The following PCDHA7 variants were observed in gnomAD, a reference collection of about 807,000 sequenced individuals.
PCDHA7 encodes protocadherin alpha 7.
PCDHA7 carries 37 observed loss-of-function variants against 57.2 expected under a neutral mutation model. The ratio of observed to expected loss-of-function variants is 0.65; its 90% confidence interval spans 0.50 to 0.85. PCDHA7 has a LOEUF of 0.85. Among genes scored for constraint, PCDHA7 ranks in the 40% least tolerant of loss-of-function variants. The pLI, the probability that PCDHA7 is intolerant of heterozygous loss-of-function variation, is 0.00. For synonymous variants in PCDHA7, 553 were observed against 558.8 expected, an observed-to-expected ratio of 0.99 and a Z score of 0.15; for missense variants, 1,188 against 1,241.8, an observed-to-expected ratio of 0.96 and a Z score of 0.65.
chr5:140,922,595 A>G (rs1554200883), intron 1 of PCDHA7, among the ~76,000 whole-genome samples: 1 of 152,216 alleles, frequency 6.6e-6, no homozygotes, highest in Non-Finnish European at 1.5e-5. Context: ...AGTTCTCATC[A>G]GTTGAAGATA....
intron 1 of PCDHA7, among the ~76,000 whole-genome samples, chr5:140,912,283 A>G (rs1442282452): frequency 6.6e-6 from 1 of 152,104 alleles, no homozygotes; most frequent in Non-Finnish European, 1.5e-5. Flanking sequence ...ACCCAGGAAC[A>G]ATACTTTGCC....
rs932495728 is a variant in PCDHA7, at chr5:140,945,802, C to T, written c.2356-33147C>T. ...AGATGCAGAAAAATGAAACTAGACC[C>T]TTATCTCACACTGTATACAAAAGTC... On this transcript the variant is annotated intron_variant, in intron 1 of 3. Coordinates refer to ENST00000525929, the MANE Select transcript of PCDHA7 (RefSeq NM_018910.3). Among the ~76,000 whole-genome samples the T allele has an allele frequency of 5.9e-5, 9 of 152,202 alleles. No homozygotes were observed. The East Asian group carries it at 1.7e-3, about 29-fold the overall frequency.
rs782120132 is a variant in PCDHA7, at chr5:140,884,464, C to T, written c.2355+47726C>T. On this transcript the variant is annotated intron_variant, in intron 1 of 3. Coordinates refer to ENST00000525929, the MANE Select transcript of PCDHA7 (RefSeq NM_018910.3). ...CGGCACCGCCCACCGAGGGCGCGTG[C>T]GCGCCGGGCAAGCCCACTCTAGTGT... 51 of 1,613,768 alleles carry T rather than the reference C, an allele frequency of 3.2e-5. 1 individual carries two copies. In the East Asian group the frequency reaches 9.6e-4, roughly 30 times the overall value.
At chr5:140,897,518 T>A (rs2066160092) in intron 1 of PCDHA7, among the ~76,000 whole-genome samples, 2 of 152,260 alleles carry the variant, frequency 1.3e-5, no homozygotes, top group Admixed American at 1.3e-4. Context: ...GGACATGAAC[T>A]CATCATTTTT....
intron 1 of PCDHA7, among the ~76,000 whole-genome samples, chr5:140,925,028 T>C (rs2082253756): frequency 6.6e-6 from 1 of 151,580 alleles, no homozygotes; most frequent in Admixed American, 6.6e-5. Context: ...GGAGGATCGC[T>C]TGAGCCCAGA....
chr5:140,946,997 C>A (rs2094069050), intron 1 of PCDHA7, among the ~76,000 whole-genome samples: 1 of 151,382 alleles, frequency 6.6e-6, no homozygotes. Context: ...GTTCTAACTT[C>A]AAAGAAATGA....
intron 1 of PCDHA7, among the ~76,000 whole-genome samples, chr5:140,921,417 A>C (rs1292321863): frequency 6.6e-6 from 1 of 152,210 alleles, no homozygotes; most frequent in Non-Finnish European, 1.5e-5. Flanking sequence ...TCTGTGCTGC[A>C]GACAAAAATT....
Position 141,007,401 on chromosome 5 carries a change from A to G in PCDHA7, c.2504-2226A>G, listed in dbSNP as rs981008239. On this transcript the variant is annotated intron_variant, in intron 3 of 3. Coordinates refer to ENST00000525929, the MANE Select transcript of PCDHA7 (RefSeq NM_018910.3). Reference sequence around the variant, plus strand: ...CACCATCTCTACTAAAATACAAAAAAAAAAAAAAAAAAAAAAATTAGCCAG... The same window carrying G: ...CACCATCTCTACTAAAATACAAAAAGAAAAAAAAAAAAAAAAATTAGCCAG... Among the ~76,000 whole-genome samples the G allele has an allele frequency of 7.4e-4, 110 of 149,582 alleles. 1 individual carries two copies. Among genetic ancestry groups the G allele is most frequent in the Non-Finnish European group, 9.7e-4 (65 of 67,302 alleles).
chr5:140,869,588 T>TC, intron 1 of PCDHA7: 1 of 1,614,114 alleles, frequency 6.2e-7, no homozygotes. Context: ...GATGCTGACA[T>TC]TGAAGAGAAT....
chr5:140,838,074 TATAGTGTGTGTGTGTGTGTG>T (rs1775436648), intron 1 of PCDHA7, among the ~76,000 whole-genome samples: 2 of 120,528 alleles, frequency 1.7e-5, no homozygotes. Context: ...GTTATATATA[TATAGTGTGTGTGTGTGTGTG>T]TGTGTGTGTG....
chr5:140,836,474 C>A lies in PCDHA7; in HGVS notation c.2091C>A (p.Asn697Lys). The A allele has an allele frequency of 6.2e-7, 1 of 1,613,830 alleles. No individual in the cohort carries two copies. Among genetic ancestry groups the A allele is most frequent in the Non-Finnish European group, 8.5e-7 (1 of 1,179,872 alleles). The stretch of plus-strand genomic sequence containing the variant: ...CAGAGACCGAGCTGGTGGATGTCAA[C>A]GTGTACCTGATCATCGCCATCTGCG... ...AGPETELVDV[N>K]VYLIIAICAV... The change falls in exon 1 of 4, where the codon AAC becomes AAA. Residue 697 changes from asparagine (N) to lysine (K), a missense_variant. Transcript: ENST00000525929.
Position 140,928,898 on chromosome 5 carries a change from A to T in PCDHA7, c.2356-50051A>T, listed in dbSNP as rs782530169. ...CCTCAGTTACTTCCAGACTTTGAAGATGTCTGGGAACCAGGAGGGCAGCTT... is the reference window on the plus strand; with the variant it reads ...CCTCAGTTACTTCCAGACTTTGAAGTTGTCTGGGAACCAGGAGGGCAGCTT... On this transcript the variant is annotated intron_variant, in intron 1 of 3. Coordinates refer to ENST00000525929, the MANE Select transcript of PCDHA7 (RefSeq NM_018910.3). 77 of 1,614,004 alleles carry T rather than the reference A, an allele frequency of 4.8e-5. No individual in the cohort carries two copies. The African/African-American group carries it at 7.2e-4, about 15-fold the overall frequency.
At chr5:140,927,471 C>A (rs1371582285) in intron 1 of PCDHA7, 2 of 1,613,968 alleles carry the variant, frequency 1.2e-6, no homozygotes, top group African/African-American at 1.3e-5. Flanking sequence ...CACTGGATCG[C>A]GAACAGCGCG....
In PCDHA7 at chr5:140,843,823, A is replaced by G; in HGVS notation, c.2355+7085A>G. ...CACCGTATTTTATAGTGAAAATTTAAACATTGTTTAGTTTTTAGAAACCTT... is the reference window on the plus strand; with the variant it reads ...CACCGTATTTTATAGTGAAAATTTAGACATTGTTTAGTTTTTAGAAACCTT... On this transcript the variant is annotated intron_variant, in intron 1 of 3. Transcript: ENST00000525929. 4 of 1,201,188 alleles carry G rather than the reference A, an allele frequency of 3.3e-6. 1 individual carries two copies. The highest frequency in any genetic ancestry group is 4.7e-6 in the Non-Finnish European group (4 of 852,276). 74.4% of individuals were successfully genotyped at this position (1,201,188 alleles called of 1,614,324 possible). A position where few individuals can be genotyped will look rare whatever the true frequency, so the allele number is the denominator to read the frequency against.
chr5:140,845,778 A>G (rs190937688), intron 1 of PCDHA7, among the ~76,000 whole-genome samples: 1 of 149,842 alleles, frequency 6.7e-6, no homozygotes, highest in East Asian at 1.9e-4. Context: ...GTTATAAATT[A>G]TTAATAATAA....
intron 1 of PCDHA7, chr5:140,966,805 T>C (rs1554228690): frequency 6.5e-7 from 1 of 1,545,566 alleles, no homozygotes; most frequent in South Asian, 1.2e-5. Flanking sequence ...CGACAGAGCA[T>C]CCACGGCTCC....
intron 1 of PCDHA7, chr5:140,884,351 G>A: frequency 6.2e-7 from 1 of 1,613,946 alleles, no homozygotes; most frequent in Non-Finnish European, 8.5e-7. Context: ...GGCGCTGGTG[G>A]ATGTCAATGT....
intron 3 of PCDHA7, among the ~76,000 whole-genome samples, chr5:140,992,706 G>T (rs1554253120): frequency 1.3e-5 from 2 of 152,138 alleles, no homozygotes; most frequent in Admixed American, 1.3e-4. Context: ...TAATGTTCCT[G>T]CCAGTATTCG....
intron 1 of PCDHA7, chr5:140,859,610 T>C (rs2045934130): frequency 6.2e-6 from 1 of 161,780 alleles, no homozygotes; most frequent in African/African-American, 2.4e-5. Context: ...CTTTTTTCTT[T>C]CCTTTCTCTT....
Sources: allele counts gnomAD v4.1 joint callset (sites outside exome capture counted in the v4.1 genomes callset), GRCh38; gene constraint gnomAD v4.1.1; transcripts MANE v1.5; gene names NCBI Gene and HGNC (gene_info 2026-07-23, HGNC 2026-07-21).